The following CHID1 variants were observed in gnomAD, a reference collection of about 807,000 sequenced individuals.
CHID1 encodes the protein chitinase domain-containing protein 1.
CHID1 carries 44 observed loss-of-function variants against 55.4 expected under a neutral mutation model. That is an observed-to-expected ratio of 0.79 (90% confidence interval 0.62 to 1.02). The LOEUF (loss-of-function observed/expected upper bound fraction) is 1.02. CHID1 is among the 50% of genes least tolerant of loss of function. The pLI, the probability that CHID1 is intolerant of heterozygous loss-of-function variation, is 0.00. For synonymous variants in CHID1, 216 were observed against 212.9 expected (o/e 1.01, Z -0.13); for missense variants, 491 against 515.3 (o/e 0.95, Z 0.46).
chr11:870,295 C>A, intron 11 of CHID1, 124 bp downstream of exon 11: 1 of 1,384,326 alleles, frequency 7.2e-7, no homozygotes, highest in Non-Finnish European at 1.0e-6. Flanking sequence ...TGCTCCAGGG[C>A]CGGGAGCAGC....
intron 7 of CHID1, among the ~76,000 whole-genome samples, chr11:897,443 T>G (rs998811986): frequency 2.0e-5 from 3 of 152,138 alleles, no homozygotes; most frequent in Non-Finnish European, 4.4e-5. Context: ...GCGGGCTCTG[T>G]CTCCTGCTGA....
chr11:909,161 G>A (rs971992136), intron 1 of CHID1, among the ~76,000 whole-genome samples: 1 of 152,176 alleles, frequency 6.6e-6, no homozygotes, highest in Non-Finnish European at 1.5e-5. Context: ...TCTGGGCTTT[G>A]GTACCTCTCC....
chr11:870,278 C>G, intron 11 of CHID1, 115 bp from the exon 12 acceptor site: 8 of 1,449,230 alleles, frequency 5.5e-6, no homozygotes, highest in Non-Finnish European at 7.7e-6. Context: ...CACCTGCTGT[C>G]CAGCTGTGCT....
At chr11:882,127 C>G (rs1850002788) in intron 10 of CHID1, among the ~76,000 whole-genome samples, 1 of 152,102 alleles carries the variant, frequency 6.6e-6, no homozygotes, top group Admixed American at 6.5e-5. Context: ...GAGATCGAGA[C>G]CATCCTGGCT....
Position 884,098 on chromosome 11 carries a change from A to T in CHID1, c.773T>A (p.Leu258His). ...QLAPVLDGFS[L>H]MTYDYSTAHQ... ...CGCTGTAGAGTAGTCGTAGGTCATG[A>T]GGCTGAAACCATCCAGCACGGGGGC... Residue 258 changes from leucine to histidine, a missense_variant, in exon 9 of 13, where the codon CTC becomes CAC. By Grantham distance (99) the Leu-to-His change is moderately conservative (BLOSUM62 -3). Transcript: ENST00000323578. 6.2e-7 allele frequency: 1 copy of T among 1,614,068 alleles called. No homozygotes were observed. The highest frequency in any genetic ancestry group is 8.5e-7 in the Non-Finnish European group (1 of 1,179,924).
intron 7 of CHID1, among the ~76,000 whole-genome samples, chr11:894,966 A>T (rs1466461831): frequency 6.6e-6 from 1 of 152,152 alleles, no homozygotes. Context: ...GCTGCAATGC[A>T]GGTACAGTCC....
rs188957661 is a variant in CHID1, at chr11:875,517, A to G, written c.960-5018T>C. Reference sequence around the variant, plus strand: ...ACTGAGGGCCCCGGGTGTGGAGAAGACCTGGCTCCTCGTCACTGGCTATCG... The same window carrying G: ...ACTGAGGGCCCCGGGTGTGGAGAAGGCCTGGCTCCTCGTCACTGGCTATCG... On this transcript the variant is annotated intron_variant, in intron 10 of 12. Coordinates refer to ENST00000323578, the MANE Select transcript of CHID1 (RefSeq NM_023947.4). The surrounding 1 kb of genome is among the most constrained non-coding windows in gnomAD (Gnocchi z 4.7). Among the ~76,000 whole-genome samples the G allele has an allele frequency of 4.2e-3, 635 of 152,256 alleles. 3 individuals are homozygous for G. The highest frequency in any genetic ancestry group is 0.015 in the African/African-American group (610 of 41,544).
chr11:891,636 C>T (rs1417409538), intron 8 of CHID1, among the ~76,000 whole-genome samples: 1 of 152,224 alleles, frequency 6.6e-6, no homozygotes, highest in Non-Finnish European at 1.5e-5. Context: ...AAATCAGTGC[C>T]TCACAGAGGT....
chr11:899,309 G>A, intron 7 of CHID1, 31 bp downstream of exon 7: 1 of 1,578,532 alleles, frequency 6.3e-7, no homozygotes, highest in Non-Finnish European at 8.6e-7. Context: ...GCCAGGAGGA[G>A]GGCCACCCAC....
At chr11:903,248 C>A (rs760310123) in intron 2 of CHID1, 137 bp from the exon 3 acceptor site, 16 of 858,348 alleles carry the variant, frequency 1.9e-5, no homozygotes, top group Non-Finnish European at 2.5e-5. Context: ...CCCGGAGACC[C>A]TGTATGTTGA....
intron 8 of CHID1, among the ~76,000 whole-genome samples, chr11:885,553 TC>T (rs1371426272): frequency 3.3e-5 from 5 of 151,620 alleles, no homozygotes; most frequent in Non-Finnish European, 7.4e-5. Flanking sequence ...GACAAACACC[TC>T]CCAGCACTAT....
Position 881,190 on chromosome 11 carries a change from T to C in CHID1, c.959+1958A>G, listed in dbSNP as rs1849887159. ...TGGGCTTGGTGGCTCACGCGTGTCA[T>C]CGCAGCACTTTGGGAGGCTGAGGCA... On this transcript the variant is annotated intron_variant, in intron 10 of 12. Coordinates refer to ENST00000323578, the MANE Select transcript of CHID1 (RefSeq NM_023947.4). Among the ~76,000 whole-genome samples, 4 of 152,300 alleles carry C rather than the reference T, an allele frequency of 2.6e-5. No individual in the cohort carries two copies. In the South Asian group the frequency reaches 6.2e-4, roughly 24 times the overall value.
intron 7 of CHID1, among the ~76,000 whole-genome samples, chr11:895,856 T>TGCCC (rs1258676966): frequency 6.6e-6 from 1 of 152,070 alleles, no homozygotes; most frequent in African/African-American, 2.4e-5. Context: ...GGATACTGCC[T>TGCCC]GCCCCTGCCA....
intron 3 of CHID1, 26 bp from the exon 4 acceptor site, chr11:902,356 G>A (rs199930280): frequency 3.4e-5 from 55 of 1,605,144 alleles, no homozygotes; most frequent in Middle Eastern, 1.7e-4. Context: ...GACATCAGAC[G>A]GAGGACAGGT....
intron 8 of CHID1, among the ~76,000 whole-genome samples, chr11:888,551 T>C (rs2134212842): frequency 6.6e-6 from 1 of 152,292 alleles, no homozygotes; most frequent in South Asian, 2.1e-4. Context: ...TTGTCACGGA[T>C]TAGACGCAGC....
chr11:883,306 G>A lies in CHID1; in HGVS notation c.804-3C>T. On this transcript the variant is annotated splice_region_variant and splice_polypyrimidine_tract_variant and intron_variant, in intron 9 of 12. Transcript: ENST00000323578. ...ACAGGGGTGCATTAGGGCCAGGCCT[G>A]CAGGGCAAGGGGTGAGCGAGTTTCA... 6.2e-7 allele frequency: 1 copy of A among 1,609,218 alleles called. No individual in the cohort carries two copies. Among genetic ancestry groups the A allele is most frequent in the Non-Finnish European group, 8.5e-7 (1 of 1,176,426 alleles).
chr11:877,027 G>A (rs1423458066), intron 10 of CHID1, among the ~76,000 whole-genome samples: 2 of 152,154 alleles, frequency 1.3e-5, no homozygotes, highest in African/African-American at 2.4e-5. Flanking sequence ...AGGGCACTTC[G>A]GGTGGGCGAG....
chr11:902,129 C>T (rs748504823), intron 4 of CHID1, 69 bp downstream of exon 4: 4 of 1,588,774 alleles, frequency 2.5e-6, no homozygotes, highest in Admixed American at 3.4e-5. Flanking sequence ...CACACACACA[C>T]CCCTGCTCTC....
At chr11:912,875 T>G (rs1220799923), upstream of CHID1, among the ~76,000 whole-genome samples, 1 of 150,764 alleles carries the variant, frequency 6.6e-6, no homozygotes, top group African/African-American at 2.5e-5. Context: ...AAAACTGACT[T>G]CTTTAGGTGG....
Sources: allele counts gnomAD v4.1 joint callset (sites outside exome capture counted in the v4.1 genomes callset), GRCh38; gene constraint gnomAD v4.1.1; non-coding constraint Gnocchi (gnomAD v3.1); transcripts MANE v1.5; gene names NCBI Gene and HGNC (gene_info 2026-07-23, HGNC 2026-07-21).